The following NDEL1 variants were observed in gnomAD, a reference collection of about 807,000 sequenced individuals.
The protein encoded by NDEL1 is nudE neurodevelopment protein 1 like 1, also known as nuclear distribution protein nudE-like 1.
In NDEL1, 9 loss-of-function variants were observed where a neutral mutation model predicts 45.7. That is an observed-to-expected ratio of 0.20 (90% CI 0.12 to 0.34). The LOEUF is 0.34. Among genes scored for constraint, NDEL1 ranks in the 10% least tolerant of loss-of-function variants. NDEL1 has a pLI of 1.00. For missense variants in NDEL1, 306 were observed against 406.2 expected, an observed-to-expected ratio of 0.75 and a Z score of 2.12; for synonymous variants, 133 against 158.6, an observed-to-expected ratio of 0.84 and a Z score of 1.21.
chr17:8,444,212 G>T, intron 1 of NDEL1, 48 bp from the exon 2 acceptor site: 2 of 1,222,234 alleles, frequency 1.6e-6, no homozygotes, highest in South Asian at 2.5e-5. Context: ...CTTGTGCTTA[G>T]ATTTCTCTGT....
intron 1 of NDEL1, among the ~76,000 whole-genome samples, chr17:8,421,174 A>G (rs2030127): frequency 0.31 from 47,466 of 152,168 alleles, 8,249 homozygotes; most frequent in Middle Eastern, 0.41. Context: ...AGTACATTCC[A>G]ATAAATATTC....
chr17:8,452,066 G>A (rs1420539697), intron 6 of NDEL1, among the ~76,000 whole-genome samples: 2 of 152,134 alleles, frequency 1.3e-5, no homozygotes, highest in African/African-American at 2.4e-5. Context: ...GTATGTGAAG[G>A]TGCTGTATGG....
chr17:8,434,571 A>G (rs188008409), upstream of NDEL1, among the ~76,000 whole-genome samples: 471 of 152,196 alleles, frequency 3.1e-3, no homozygotes, highest in African/African-American at 0.011. Flanking sequence ...TACCTTGTAC[A>G]TTATACAGCA....
At chr17:8,417,838 C>G (rs1450490004) in intron 1 of NDEL1, among the ~76,000 whole-genome samples, 2 of 152,210 alleles carry the variant, frequency 1.3e-5, no homozygotes, top group South Asian at 2.1e-4. Context: ...TGGAGCTATT[C>G]TGGTTTAGTT....
At chr17:8,421,655 C>T (rs893637779) in intron 1 of NDEL1, among the ~76,000 whole-genome samples, 14 of 152,298 alleles carry the variant, frequency 9.2e-5, no homozygotes, top group African/African-American at 3.4e-4. Flanking sequence ...TTTTAAGCCA[C>T]CAGGCTTGTG....
intron 5 of NDEL1, among the ~76,000 whole-genome samples, 173 bp from the exon 6 acceptor site, chr17:8,450,604 CAGT>C (rs1484270089): frequency 6.6e-6 from 1 of 152,132 alleles, no homozygotes; most frequent in Non-Finnish European, 1.5e-5. Flanking sequence ...ATCATTTAGA[CAGT>C]AGTTTTGCCA....
At chr17:8,443,616 A>G (rs1413534327) in intron 1 of NDEL1, among the ~76,000 whole-genome samples, 1 of 152,162 alleles carries the variant, frequency 6.6e-6, no homozygotes, top group African/African-American at 2.4e-5. Flanking sequence ...TTAGTTAATT[A>G]AATCGCTTTT....
At chr17:8,456,522 G>A (rs1248827959) in intron 7 of NDEL1, among the ~76,000 whole-genome samples, 4 of 131,698 alleles carry the variant, frequency 3.0e-5, no homozygotes, top group African/African-American at 2.9e-5. Context: ...TTTTGAGAAC[G>A]GAGTCTCGCT....
At chr17:8,422,537 C>T (rs1221153301) in intron 1 of NDEL1, among the ~76,000 whole-genome samples, 1 of 152,044 alleles carries the variant, frequency 6.6e-6, no homozygotes, top group Admixed American at 6.5e-5. Flanking sequence ...GCCAGGCCTG[C>T]TTCCCTCTCC....
At chr17:8,470,798 C>G (rs565845161), downstream of NDEL1, among the ~76,000 whole-genome samples, 1 of 152,204 alleles carries the variant, frequency 6.6e-6, no homozygotes, top group Non-Finnish European at 1.5e-5. The surrounding 1 kb of genome is among the most constrained non-coding windows in gnomAD (Gnocchi z 4.2). Flanking sequence ...TTGGAAATGA[C>G]GAGCGGCGGG....
At chr17:8,466,541 C>T in intron 8 of NDEL1, 1 of 170,590 alleles carries the variant, frequency 5.9e-6, no homozygotes, top group Non-Finnish European at 1.2e-5. Context: ...GAATATTTTC[C>T]CATGCTATTA....
intron 3 of NDEL1, among the ~76,000 whole-genome samples, chr17:8,474,054 G>A (rs1912096708): frequency 6.6e-6 from 1 of 152,192 alleles, no homozygotes; most frequent in South Asian, 2.1e-4. Flanking sequence ...GTTGGAGCCA[G>A]GACTGGCCTG....
intron 8 of NDEL1, chr17:8,463,239 G>T: frequency 9.0e-7 from 1 of 1,110,514 alleles, no homozygotes; most frequent in Non-Finnish European, 1.4e-6. Flanking sequence ...CTGTGTGTAG[G>T]TGGGCATGGA....
At chr17:8,427,745 C>A (rs1036671411) in intron 1 of NDEL1, among the ~76,000 whole-genome samples, 1 of 151,990 alleles carries the variant, frequency 6.6e-6, no homozygotes, top group Non-Finnish European at 1.5e-5. Context: ...ATAAAACCAC[C>A]CAAAGTCTTG....
At chr17:8,438,084 G>C (rs1021684409) in intron 1 of NDEL1, among the ~76,000 whole-genome samples, 1 of 152,054 alleles carries the variant, frequency 6.6e-6, no homozygotes. Context: ...TCAGCCTCCT[G>C]AGTAGCTGGG....
At chr17:8,431,603 G>C (rs1039336998), upstream of NDEL1, among the ~76,000 whole-genome samples, 1 of 152,188 alleles carries the variant, frequency 6.6e-6, no homozygotes, top group South Asian at 2.1e-4. Context: ...ATTCGAACAG[G>C]GTGGGTTTGA....
intron 8 of NDEL1, among the ~76,000 whole-genome samples, chr17:8,460,865 G>T (rs1911151727): frequency 6.6e-6 from 1 of 152,160 alleles, no homozygotes; most frequent in Non-Finnish European, 1.5e-5. Context: ...TTGCTTTGCA[G>T]TGTGCCTATC....
rs549269331 is a variant in NDEL1 at position 8,424,588 on chromosome 17, G to A, written c.-13+11319G>A. ...GCGATCTCAGCTCACAGGAAGCACCGCCTCCCGGGTTCACGCCATTCTCCT... is the reference window on the plus strand; with the variant it reads ...GCGATCTCAGCTCACAGGAAGCACCACCTCCCGGGTTCACGCCATTCTCCT... On this transcript the variant is annotated intron_variant, in intron 1 of 4. Coordinates refer to the NDEL1 transcript ENST00000582812. 5.6e-4 allele frequency among the ~76,000 whole-genome samples: 85 copies of A among 152,290 alleles called. 1 individual carries two copies. In the South Asian group the frequency reaches 0.013, roughly 24 times the overall value.
downstream of NDEL1, among the ~76,000 whole-genome samples, chr17:8,470,277 C>A: frequency 6.6e-6 from 1 of 152,102 alleles, no homozygotes; most frequent in East Asian, 1.9e-4. The surrounding 1 kb of genome is among the most constrained non-coding windows in gnomAD (Gnocchi z 4.2). Flanking sequence ...GCATGGCTCT[C>A]CATGAAACCT....
Sources: gnomAD v4.1 joint callset for allele counts (sites outside exome capture counted in the v4.1 genomes callset) on GRCh38, gnomAD v4.1.1 for gene constraint, Gnocchi (gnomAD v3.1) non-coding constraint, MANE v1.5 for transcripts, NCBI Gene and HGNC (gene_info 2026-07-23, HGNC 2026-07-21) for gene names.